Variants in VCL observed in about 807,000 individuals in gnomAD.
VCL encodes the protein epididymis luminal protein 114.
In VCL, 47 loss-of-function variants were observed where a neutral mutation model predicts 125.7. The ratio of observed to expected loss-of-function variants is 0.37; its 90% CI spans 0.30 to 0.48. The LOEUF (loss-of-function observed/expected upper bound fraction) is 0.48, where lower values mean the gene tolerates loss of function less well. VCL is among the 20% of genes least tolerant of loss of function. The pLI, the probability that VCL is intolerant of heterozygous loss-of-function variation, is 0.99. For synonymous variants in VCL, 458 were observed against 514.6 expected (o/e 0.89, Z 1.49); for missense variants, 1,069 against 1,455.5 (o/e 0.73, Z 4.32).
intron 18 of VCL, among the ~76,000 whole-genome samples, chr10:74,111,203 G>T (rs1840213510): frequency 6.6e-6 from 1 of 152,196 alleles, no homozygotes; most frequent in South Asian, 2.1e-4. Context: ...ATGGGCGGCT[G>T]ACGAGGTGGC....
At chr10:74,051,600 A>C (rs971684912) in intron 2 of VCL, among the ~76,000 whole-genome samples, 2 of 152,262 alleles carry the variant, frequency 1.3e-5, no homozygotes, top group African/African-American at 4.8e-5. Flanking sequence ...GTAGGATTCT[A>C]ACCCTGAACT....
chr10:74,001,222 C>T (rs1840217961), intron 1 of VCL, among the ~76,000 whole-genome samples: 1 of 152,198 alleles, frequency 6.6e-6, no homozygotes, highest in Non-Finnish European at 1.5e-5. Context: ...CCCATTGCTT[C>T]ACATTCTTGG....
intron 11 of VCL, 147 bp downstream of exon 11, chr10:74,094,608 A>G: frequency 3.7e-6 from 4 of 1,078,386 alleles, no homozygotes; most frequent in Non-Finnish European, 5.5e-6. Flanking sequence ...AAATGCAGCC[A>G]GTAAAATTCC....
intron 2 of VCL, among the ~76,000 whole-genome samples, chr10:74,049,821 G>A (rs1422117919): frequency 6.6e-6 from 1 of 152,210 alleles, no homozygotes; most frequent in African/African-American, 2.4e-5. Flanking sequence ...AATAGTAGGT[G>A]CTAATGTTGT....
At position 74,094,318 on chromosome 10, in the gene VCL, C is replaced by A; in HGVS notation, c.1400C>A (p.Ala467Asp). The change falls in exon 11 of 22, where the codon GCC (alanine) becomes GAC (aspartate). Residue 467 changes from alanine (A) to aspartate (D), a missense_variant. Physicochemically the swap from Ala to Asp is moderately radical, Grantham distance 126 (BLOSUM62 -2). Around this residue, in one of 6 missense-constraint regions of VCL, gnomAD observed 760 missense variants for 928.9 expected, o/e 0.82. Transcript: ENST00000211998. The part of the protein sequence containing the change: ...PEARALAKQV[A>D]TALQNLQTKT... ...GCTCGAGCCTTGGCCAAACAGGTGG[C>A]CACGGCCCTGCAGAACCTGCAGACC... is the stretch of plus-strand genomic sequence containing the variant. The A allele has an allele frequency of 1.9e-6, 3 of 1,614,120 alleles. No individual in the cohort carries two copies. Among genetic ancestry groups the A allele is most frequent in the African/African-American group, 1.3e-5 (1 of 75,006 alleles).
chr10:74,078,047 A>G (rs1443367996), intron 6 of VCL, among the ~76,000 whole-genome samples: 1 of 152,194 alleles, frequency 6.6e-6, no homozygotes, highest in East Asian at 1.9e-4. Flanking sequence ...TACCCTTTGT[A>G]AATTTAGTGC....
At chr10:74,091,810 A>AG (rs1465926794) in intron 10 of VCL, among the ~76,000 whole-genome samples, 98 of 145,330 alleles carry the variant, frequency 6.7e-4, no homozygotes, top group African/African-American at 2.6e-3. Context: ...AAAAAAAAAA[A>AG]AAAAGAAAAG....
intron 8 of VCL, 38 bp downstream of exon 8, chr10:74,083,551 AACTC>A (rs1292022791): frequency 6.2e-7 from 1 of 1,611,252 alleles, no homozygotes; most frequent in Non-Finnish European, 8.5e-7. Context: ...AGTAGTGGGT[AACTC>A]ACTCCTAACA....
rs570378919 is a variant in VCL, at chr10:74,093,168, G to A, written c.1353-1103G>A. On this transcript the variant is annotated intron_variant, in intron 10 of 21. Coordinates refer to ENST00000211998, the MANE Select transcript of VCL (RefSeq NM_014000.3). The stretch of plus-strand genomic sequence containing the variant: ...AGAAATTAGCTGGGTGTGGTGGTGG[G>A]CATCTATAATCCTAGCTACTCAGGA... 1.8e-4 allele frequency among the ~76,000 whole-genome samples: 27 copies of A among 151,922 alleles called. No homozygotes were observed. The South Asian group carries it at 5.6e-3, about 32-fold the overall frequency.
chr10:74,032,116 G>A (rs952701161), intron 1 of VCL, among the ~76,000 whole-genome samples: 23 of 135,276 alleles, frequency 1.7e-4, no homozygotes, highest in African/African-American at 6.0e-4. Context: ...GTATACACCT[G>A]TACTTCCAGC....
chr10:74,010,171 C>A (rs540358751), intron 1 of VCL, among the ~76,000 whole-genome samples: 1 of 152,132 alleles, frequency 6.6e-6, no homozygotes, highest in East Asian at 1.9e-4. Flanking sequence ...GTGATCCATC[C>A]GCCTCGGATT....
At chr10:74,039,558 G>A (rs1421472659) in intron 1 of VCL, among the ~76,000 whole-genome samples, 1 of 151,952 alleles carries the variant, frequency 6.6e-6, no homozygotes, top group African/African-American at 2.4e-5. Context: ...AAAGGCAGGA[G>A]GATCGCTTGA....
At chr10:73,999,453 C>T (rs1840184471) in intron 1 of VCL, among the ~76,000 whole-genome samples, 1 of 152,186 alleles carries the variant, frequency 6.6e-6, no homozygotes, top group African/African-American at 2.4e-5. Flanking sequence ...TGGCTAATGT[C>T]ACACTTTTCT....
chr10:74,064,561 G>A (rs1268710008), intron 2 of VCL, among the ~76,000 whole-genome samples: 2 of 151,810 alleles, frequency 1.3e-5, no homozygotes, highest in Non-Finnish European at 2.9e-5. Context: ...GTGAGCCACC[G>A]TGCCTGCCTA....
In VCL at chr10:74,114,171, T is replaced by C; in HGVS notation, c.2950-13T>C. The stretch of plus-strand genomic sequence containing the variant: ...GTGGGCAGAGCTCACACTGTATCTT[T>C]GCTTCCCTCTAGGGCAATGACATCA... On this transcript the variant is annotated splice_polypyrimidine_tract_variant and intron_variant, in intron 19 of 21. Transcript: ENST00000211998. The C allele has an allele frequency of 6.2e-7, 1 of 1,612,722 alleles. No individual in the cohort carries two copies. The highest frequency in any genetic ancestry group is 2.0e-4 in the Middle Eastern group (1 of 5,100).
In VCL at chr10:74,103,909, T is replaced by A. The variant is rs1479037833; in HGVS notation, c.2112T>A (p.Asp704Glu). ...AGACCATGAAGAACCAGTGGATCGA[T>A]AATGTTGAAAAAATGACAGGTAGAG... ...HFETMKNQWI[D>E]NVEKMTGLVD... The change falls in exon 15 of 22, where the codon GAT becomes GAA. Residue 704 changes from aspartate (D) to glutamate (E), a missense_variant. Physicochemically the swap from Asp to Glu is conservative, Grantham distance 45. Around this residue, in one of 6 missense-constraint regions of VCL, gnomAD observed 760 missense variants for 928.9 expected, o/e 0.82. Coordinates refer to ENST00000211998, the MANE Select transcript of VCL (RefSeq NM_014000.3). 1.2e-6 allele frequency: 2 copies of A among 1,614,108 alleles called. No individual in the cohort carries two copies. Among genetic ancestry groups the A allele is most frequent in the Non-Finnish European group, 1.7e-6 (2 of 1,179,958 alleles).
intron 10 of VCL, among the ~76,000 whole-genome samples, chr10:74,090,614 G>A (rs1194736736): frequency 2.0e-5 from 3 of 152,062 alleles, no homozygotes; most frequent in African/African-American, 7.2e-5. Flanking sequence ...AGAAGCGTAA[G>A]AATGTACTTT....
At chr10:74,007,898 G>T (rs1183473332) in intron 1 of VCL, among the ~76,000 whole-genome samples, 2 of 151,866 alleles carry the variant, frequency 1.3e-5, no homozygotes, top group Non-Finnish European at 2.9e-5. Flanking sequence ...TGCCTCCTGG[G>T]TTCAAGTGAT....
chr10:74,045,981 A>G (rs1841191573), intron 2 of VCL, among the ~76,000 whole-genome samples: 1 of 152,112 alleles, frequency 6.6e-6, no homozygotes, highest in African/African-American at 2.4e-5. Flanking sequence ...TATTATTTTC[A>G]TTGAACAGAT....
Sources: allele counts gnomAD v4.1 joint callset (sites outside exome capture counted in the v4.1 genomes callset), GRCh38; gene constraint gnomAD v4.1.1; regional missense constraint gnomAD v4.1.1; transcripts MANE v1.5; gene names NCBI Gene and HGNC (gene_info 2026-07-23, HGNC 2026-07-21).